Variants in FAM13A observed in about 807,000 individuals in gnomAD.
FAM13A encodes family with sequence similarity 13 member A, also known as protein FAM13A.
A neutral mutation model predicts 129.6 loss-of-function variants in FAM13A; 76 were observed. The observed-to-expected ratio is 0.59, with a 90% CI of 0.49 to 0.71. FAM13A has a LOEUF of 0.71. Among genes scored for constraint, FAM13A ranks in the 30% least tolerant of loss-of-function variants. FAM13A has a pLI of 0.00. For missense variants in FAM13A, 1,108 were observed against 1,249.3 expected (o/e 0.89, Z 1.70); for synonymous variants, 443 against 449.9 (o/e 0.98, Z 0.20).
intron 3 of FAM13A, among the ~76,000 whole-genome samples, chr4:88,991,493 T>TA (rs1762922323): frequency 3.9e-5 from 6 of 152,188 alleles, no homozygotes; most frequent in South Asian, 2.1e-4. Flanking sequence ...CAAGAAATAT[T>TA]TAAAAAACCA....
At chr4:88,915,495 A>G (rs1749963463) in intron 5 of FAM13A, among the ~76,000 whole-genome samples, 1 of 152,200 alleles carries the variant, frequency 6.6e-6, no homozygotes, top group African/African-American at 2.4e-5. Flanking sequence ...TGCAACAATA[A>G]TATTCACAGG....
intron 22 of FAM13A, 35 bp from the exon 23 acceptor site, chr4:88,731,463 T>G (rs1224165648): frequency 7.8e-7 from 1 of 1,274,268 alleles, no homozygotes; most frequent in Admixed American, 1.8e-5. Flanking sequence ...GAAATTAAGT[T>G]AAATTTGAGT....
In FAM13A at chr4:88,929,558, T is replaced by C. The variant is rs574570895; in HGVS notation, c.759+8530A>G. On this transcript the variant is annotated intron_variant, in intron 5 of 23. Coordinates refer to ENST00000264344, the MANE Select transcript of FAM13A (RefSeq NM_014883.4). ...TTCAGTCACTTTTTGTAGTTCCATA[T>C]GTCTTGAAGGCTTTGTTCATCTTTT... is the stretch of plus-strand genomic sequence containing the variant. Among the ~76,000 whole-genome samples the C allele has an allele frequency of 3.5e-4, 54 of 152,254 alleles. 1 individual carries two copies. Among genetic ancestry groups the C allele is most frequent in the African/African-American group, 1.2e-3 (51 of 41,560 alleles).
At chr4:88,751,974 A>G (rs1742723659) in intron 14 of FAM13A, among the ~76,000 whole-genome samples, 1 of 152,190 alleles carries the variant, frequency 6.6e-6, no homozygotes, top group Non-Finnish European at 1.5e-5. Context: ...ATAAGTGCTT[A>G]TTCAGGCTTC....
intron 14 of FAM13A, among the ~76,000 whole-genome samples, chr4:88,753,347 A>G (rs1355346526): frequency 6.6e-6 from 1 of 152,176 alleles, no homozygotes; most frequent in African/African-American, 2.4e-5. Context: ...ACACAGCTTT[A>G]TTTTGTGGCT....
chr4:89,021,600 C>A (rs1767262671), intron 2 of FAM13A, among the ~76,000 whole-genome samples: 1 of 151,996 alleles, frequency 6.6e-6, no homozygotes, highest in African/African-American at 2.4e-5. Flanking sequence ...GGGTCTGTGA[C>A]AAGTTAAAGA....
intron 7 of FAM13A, among the ~76,000 whole-genome samples, chr4:88,827,369 G>C (rs1199814143): frequency 3.9e-5 from 6 of 152,124 alleles, no homozygotes; most frequent in African/African-American, 9.7e-5. Context: ...TACACCTCTG[G>C]GGGCTGGATC....
intron 6 of FAM13A, among the ~76,000 whole-genome samples, chr4:88,869,024 T>C (rs1386816153): frequency 6.6e-6 from 1 of 152,220 alleles, no homozygotes; most frequent in Admixed American, 6.5e-5. Context: ...AAAGAAGTTA[T>C]GGAGCACACA....
chr4:88,861,380 CAAAAAAA>C, intron 6 of FAM13A, among the ~76,000 whole-genome samples: 1 of 83,900 alleles, frequency 1.2e-5, no homozygotes, highest in Non-Finnish European at 2.6e-5. Flanking sequence ...GACTCCGTCT[CAAAAAAA>C]AAAAAAAAAA....
In FAM13A at chr4:88,787,778, C is replaced by T; in HGVS notation, c.1246G>A (p.Asp416Asn). ...TTGTCTCTCCCATGTCGAACTTCAT[C>T]CTGCTCCTTGGACTGGCGGCGGCGC... is the stretch of plus-strand genomic sequence containing the variant. The part of the protein sequence containing the change: ...RQRRRQSKEQ[D>N]EVRHGRDKGL... Residue 416 changes from aspartate (D) to asparagine (N), a missense_variant, in exon 10 of 24, where the codon GAT (aspartate) becomes AAT (asparagine). Physicochemically the swap from Asp to Asn is conservative, Grantham distance 23. This residue lies in a region of FAM13A where 566 missense variants were observed against 595.7 expected (regional missense o/e 0.95). Coordinates refer to ENST00000264344, the MANE Select transcript of FAM13A (RefSeq NM_014883.4). The T allele has an allele frequency of 6.2e-7, 1 of 1,613,506 alleles. No individual in the cohort carries two copies. Among genetic ancestry groups the T allele is most frequent in the Non-Finnish European group, 8.5e-7 (1 of 1,179,662 alleles).
intron 4 of FAM13A, among the ~76,000 whole-genome samples, chr4:88,978,421 A>G (rs1761189094): frequency 6.6e-6 from 1 of 152,206 alleles, no homozygotes; most frequent in Non-Finnish European, 1.5e-5. Flanking sequence ...TCCTGGCTGT[A>G]AGTAAAAGAA....
At chr4:88,798,925 A>T (rs1726819527) in intron 8 of FAM13A, among the ~76,000 whole-genome samples, 1 of 152,196 alleles carries the variant, frequency 6.6e-6, no homozygotes, top group Non-Finnish European at 1.5e-5. Context: ...TCTACAAGTG[A>T]ATTCTTCTTT....
intron 6 of FAM13A, among the ~76,000 whole-genome samples, chr4:88,861,986 AACT>A (rs1412325692): frequency 3.3e-5 from 5 of 152,318 alleles, no homozygotes; most frequent in African/African-American, 1.2e-4. Flanking sequence ...CAGCAATCTT[AACT>A]ACTATTTCAC....
chr4:88,977,245 T>C (rs1761039406), intron 4 of FAM13A, among the ~76,000 whole-genome samples: 1 of 152,148 alleles, frequency 6.6e-6, no homozygotes, highest in Non-Finnish European at 1.5e-5. Context: ...ACACAAGCCC[T>C]GAAATACCAC....
At chr4:88,823,266 A>G (rs1157544089) in intron 7 of FAM13A, 11 of 1,263,786 alleles carry the variant, frequency 8.7e-6, no homozygotes, top group Non-Finnish European at 1.0e-6. Flanking sequence ...GTTCCAGGGA[A>G]GCAGCTGAAC....
At chr4:88,957,088 G>A (rs1757868613) in intron 4 of FAM13A, among the ~76,000 whole-genome samples, 4 of 152,194 alleles carry the variant, frequency 2.6e-5, no homozygotes, top group Admixed American at 2.6e-4. Context: ...AACTTTGAAA[G>A]GCTGAGGTGG....
At chr4:88,968,942 G>A (rs1252383454) in intron 4 of FAM13A, among the ~76,000 whole-genome samples, 1 of 151,974 alleles carries the variant, frequency 6.6e-6, no homozygotes, top group Non-Finnish European at 1.5e-5. Flanking sequence ...TTTAACTAAG[G>A]GGGTATGAAA....
At chr4:88,979,148 C>A (rs540887746) in intron 4 of FAM13A, among the ~76,000 whole-genome samples, 28 of 152,038 alleles carry the variant, frequency 1.8e-4, no homozygotes, top group Admixed American at 5.2e-4. Context: ...GCAAAAATGT[C>A]AAAAGAAACA....
At chr4:89,003,141 G>C (rs1764487096) in intron 3 of FAM13A, among the ~76,000 whole-genome samples, 1 of 151,988 alleles carries the variant, frequency 6.6e-6, no homozygotes, top group Non-Finnish European at 1.5e-5. Flanking sequence ...ACACTGGTGA[G>C]GGAAAATTCA....
Sources: allele counts gnomAD v4.1 joint callset (sites outside exome capture counted in the v4.1 genomes callset), GRCh38; gene constraint gnomAD v4.1.1; regional missense constraint gnomAD v4.1.1; transcripts MANE v1.5; gene names NCBI Gene and HGNC (gene_info 2026-07-23, HGNC 2026-07-21).